The following RIMKLB variants were observed in gnomAD, a reference collection of about 807,000 sequenced individuals.
RIMKLB encodes the protein beta-citrylglutamate synthase B.
RIMKLB carries 7 observed loss-of-function variants against 32.0 expected under a neutral mutation model. That is an observed-to-expected ratio of 0.22 (90% CI 0.12 to 0.41). The LOEUF is 0.41. Ranked by LOEUF, RIMKLB falls within the 10% of genes least tolerant of loss-of-function variation. The probability of loss-of-function intolerance (pLI) is 1.00; values close to 1 mark genes in which losing one functional copy is unlikely to be tolerated. For missense variants in RIMKLB, 289 were observed against 498.7 expected, an observed-to-expected ratio of 0.58 and a Z score of 4.00; for synonymous variants, 172 against 185.1, an observed-to-expected ratio of 0.93 and a Z score of 0.57.
At chr12:8,760,412 A>G (rs1014340245) in intron 5 of RIMKLB, among the ~76,000 whole-genome samples, 3 of 152,204 alleles carry the variant, frequency 2.0e-5, no homozygotes, top group Non-Finnish European at 4.4e-5. Flanking sequence ...ATACGTGTAC[A>G]TGTGTCTTTA....
intron 5 of RIMKLB, among the ~76,000 whole-genome samples, chr12:8,765,034 T>G (rs1472269675): frequency 6.6e-6 from 1 of 151,438 alleles, no homozygotes; most frequent in Non-Finnish European, 1.5e-5. Flanking sequence ...TTCTAAGTTT[T>G]GCTCAGGGCC....
Position 8,774,541 on chromosome 12 carries a change from C to G in RIMKLB, c.*757C>G. The G allele has an allele frequency of 1.0e-6, 1 of 958,650 alleles. No individual in the cohort carries two copies. Among genetic ancestry groups the G allele is most frequent in the African/African-American group, 1.9e-5 (1 of 52,700 alleles). 59.4% of individuals were successfully genotyped at this position (958,650 alleles called of 1,614,324 possible). A position where few individuals can be genotyped will look rare whatever the true frequency, so the allele number is the denominator to read the frequency against. On this transcript the variant is annotated 3_prime_UTR_variant, in exon 6 of 6. Coordinates refer to ENST00000535829, the MANE Select transcript of RIMKLB (RefSeq NM_001297776.2). The stretch of plus-strand genomic sequence containing the variant: ...CACTTGTATTTGTTAGTGTTTTAGT[C>G]TTTTTTGAAAGATGTGCTCTGTTAA...
intron 1 of RIMKLB, among the ~76,000 whole-genome samples, chr12:8,703,491 C>T (rs963073673): frequency 6.6e-6 from 1 of 152,012 alleles, no homozygotes; most frequent in African/African-American, 2.4e-5. Flanking sequence ...ACATACCCGG[C>T]TAATTTTTTT....
chr12:8,747,636 A>G (rs1317935679), intron 2 of RIMKLB, among the ~76,000 whole-genome samples: 1 of 152,244 alleles, frequency 6.6e-6, no homozygotes, highest in African/African-American at 2.4e-5. Context: ...TACTGGATGA[A>G]TATCAATTAT....
Position 8,759,220 on chromosome 12 carries a change from C to T in RIMKLB, c.697+5127C>T, listed in dbSNP as rs183108277. On this transcript the variant is annotated intron_variant, in intron 5 of 5. Transcript: ENST00000535829. ...GAGACCAAAGGGCAACATGGTGAAA[C>T]CCCATCTCTACTAAAAATACAAAAA... Among the ~76,000 whole-genome samples, 101 of 152,130 alleles carry T rather than the reference C, an allele frequency of 6.6e-4. 1 individual carries two copies. The highest frequency in any genetic ancestry group is 6.2e-3 in the Admixed American group (95 of 15,274).
intron 5 of RIMKLB, among the ~76,000 whole-genome samples, chr12:8,760,106 C>A (rs1042734645): frequency 6.6e-6 from 1 of 152,158 alleles, no homozygotes; most frequent in Admixed American, 6.5e-5. Flanking sequence ...TCCCCTACCC[C>A]ACAACAGGCC....
chr12:8,727,559 G>C (rs1439837670), intron 2 of RIMKLB, among the ~76,000 whole-genome samples: 1 of 152,132 alleles, frequency 6.6e-6, no homozygotes, highest in African/African-American at 2.4e-5. Context: ...TTGTATCCAT[G>C]GGTTTTGCAT....
At chr12:8,730,567 C>G (rs747582931) in intron 2 of RIMKLB, among the ~76,000 whole-genome samples, 1 of 152,250 alleles carries the variant, frequency 6.6e-6, no homozygotes, top group South Asian at 2.1e-4. Flanking sequence ...ACAGACCAGA[C>G]CTTAGACAGA....
At chr12:8,685,142 T>C (rs1591592997) in intron 1 of RIMKLB, among the ~76,000 whole-genome samples, 1 of 152,184 alleles carries the variant, frequency 6.6e-6, no homozygotes, top group East Asian at 1.9e-4. Context: ...TTCCTTTTCA[T>C]GTCTTGTTGC....
intron 5 of RIMKLB, 65 bp downstream of exon 5, chr12:8,754,158 C>T: frequency 1.7e-6 from 2 of 1,204,202 alleles, no homozygotes; most frequent in East Asian, 4.7e-5. Context: ...AGTGAGTATT[C>T]ATATGTATGT....
intron 2 of RIMKLB, among the ~76,000 whole-genome samples, chr12:8,741,923 C>G (rs1230546480): frequency 6.8e-6 from 1 of 146,798 alleles, no homozygotes; most frequent in Non-Finnish European, 1.5e-5. Flanking sequence ...AAAAGGAGAG[C>G]TTTTTTTTTT....
At chr12:8,743,463 GTTCC>G (rs1316714717) in intron 2 of RIMKLB, among the ~76,000 whole-genome samples, 1 of 151,252 alleles carries the variant, frequency 6.6e-6, no homozygotes, top group African/African-American at 2.4e-5. Flanking sequence ...CCATTTGTCT[GTTCC>G]TTGATTCCTG....
At chr12:8,761,334 CCTT>C (rs1181364028) in intron 5 of RIMKLB, among the ~76,000 whole-genome samples, 6 of 146,674 alleles carry the variant, frequency 4.1e-5, no homozygotes, top group Non-Finnish European at 7.5e-5. Context: ...TAAAAATAAA[CCTT>C]CTTTGGATAG....
intron 2 of RIMKLB, among the ~76,000 whole-genome samples, chr12:8,723,670 C>T (rs1421936858): frequency 6.6e-6 from 1 of 152,012 alleles, no homozygotes; most frequent in Non-Finnish European, 1.5e-5. Flanking sequence ...GTTTATTTCT[C>T]TCTAGATTAG....
intron 5 of RIMKLB, 53 bp downstream of exon 5, chr12:8,754,146 CCAGT>C (rs1948832961): frequency 7.5e-7 from 1 of 1,328,096 alleles, no homozygotes; most frequent in African/African-American, 1.4e-5. Context: ...TTATAATTGT[CCAGT>C]GAGTATTCAT....
the RIMKLB span, among the ~76,000 whole-genome samples, chr12:8,674,819 G>A: frequency 6.7e-6 from 1 of 149,690 alleles, no homozygotes; most frequent in Non-Finnish European, 1.5e-5. Flanking sequence ...CAAAGTACTA[G>A]AATTACAGTC....
At chr12:8,760,700 G>A (rs1949446680) in intron 5 of RIMKLB, among the ~76,000 whole-genome samples, 1 of 152,184 alleles carries the variant, frequency 6.6e-6, no homozygotes, top group South Asian at 2.1e-4. Context: ...GGCCAGTGAT[G>A]ATGAGCATTT....
At chr12:8,718,665 A>ATGTGTGTGTGTGTG in intron 2 of RIMKLB, among the ~76,000 whole-genome samples, 1 of 104,248 alleles carries the variant, frequency 9.6e-6, no homozygotes, top group Admixed American at 9.4e-5. Flanking sequence ...ATATATATAT[A>ATGTGTGTGTGTGTG]TATATGTGTG....
At chr12:8,686,542 C>T (rs763431938) in intron 1 of RIMKLB, among the ~76,000 whole-genome samples, 13 of 151,614 alleles carry the variant, frequency 8.6e-5, no homozygotes, top group African/African-American at 2.9e-4. Flanking sequence ...TGCAGTGGCG[C>T]GATCTCGGCT....
Sources: gnomAD v4.1 joint callset for allele counts (sites outside exome capture counted in the v4.1 genomes callset) on GRCh38, gnomAD v4.1.1 for gene constraint, MANE v1.5 for transcripts, NCBI Gene and HGNC (gene_info 2026-07-23, HGNC 2026-07-21) for gene names.